The following KIF21A variants were observed in gnomAD, a reference collection of about 807,000 sequenced individuals.
The protein encoded by KIF21A is kinesin family member 21A, also known as kinesin-like protein KIF21A.
In KIF21A, 114 loss-of-function variants were observed where a neutral mutation model predicts 202.9. The observed-to-expected ratio is 0.56, with a 90% confidence interval of 0.48 to 0.66. KIF21A has a LOEUF of 0.66. KIF21A is among the 30% of genes least tolerant of loss of function. KIF21A has a pLI of 0.00. For synonymous variants in KIF21A, 667 were observed against 670.8 expected (o/e 0.99, Z 0.09); for missense variants, 1,677 against 1,994.9 (o/e 0.84, Z 3.04).
At chr12:39,366,569 T>C (rs1227890856) in intron 5 of KIF21A, 52 bp from the exon 6 acceptor site, 14 of 1,335,384 alleles carry the variant, frequency 1.0e-5, no homozygotes, top group Non-Finnish European at 1.5e-5. Context: ...ACATTAAATA[T>C]CCTCCTAACC....
At chr12:39,413,975 A>T (rs573161612) in intron 1 of KIF21A, among the ~76,000 whole-genome samples, 4 of 152,330 alleles carry the variant, frequency 2.6e-5, no homozygotes, top group East Asian at 1.9e-4. Context: ...ATACCATTTT[A>T]AAAAATTTAC....
At position 39,357,273 on chromosome 12, in the gene KIF21A, C is replaced by T. The variant is rs1411962842; in HGVS notation, c.1380G>A (p.Gln460=). 2.5e-6 allele frequency: 4 copies of T among 1,614,156 alleles called. No individual in the cohort carries two copies. The highest frequency in any genetic ancestry group is 2.2e-5 in the South Asian group (2 of 91,076). ...RSRITQLVSD[Q]ANHVLARAGE... is the part of the protein sequence containing the mutation. ...CTGCTCTGGCAAGAACATGGTTGGC[C>T]TGATCACTAACAAGCTGTGTAATTC... The change falls in exon 9 of 38, where the codon CAG becomes CAA. Residue 460 remains glutamine (Q), a synonymous_variant. Transcript: ENST00000361418.
At chr12:39,300,118 AAG>A (rs1467554302) in intron 37 of KIF21A, among the ~76,000 whole-genome samples, 5 of 152,288 alleles carry the variant, frequency 3.3e-5, no homozygotes, top group African/African-American at 1.2e-4. Context: ...AGTAAAAAAA[AAG>A]AAAAATTTTA....
chr12:39,390,905 G>A (rs979844391), intron 1 of KIF21A, among the ~76,000 whole-genome samples: 2 of 152,180 alleles, frequency 1.3e-5, no homozygotes, highest in Admixed American at 6.5e-5. Flanking sequence ...TTAAGTGCCA[G>A]AGAGAGCCAG....
chr12:39,426,079 A>G (rs1954721228), intron 1 of KIF21A, among the ~76,000 whole-genome samples: 1 of 152,224 alleles, frequency 6.6e-6, no homozygotes, highest in African/African-American at 2.4e-5. Flanking sequence ...CGGTCTACCA[A>G]GACAAAACTG....
At chr12:39,337,402 G>C in intron 16 of KIF21A, 199 bp from the exon 17 acceptor site, 1 of 556,946 alleles carries the variant, frequency 1.8e-6, no homozygotes, top group Non-Finnish European at 3.2e-6. Context: ...TTATTAAATT[G>C]CTTAGTATTC....
chr12:39,339,649 A>T (rs904035329), intron 16 of KIF21A, among the ~76,000 whole-genome samples: 6 of 152,206 alleles, frequency 3.9e-5, no homozygotes, highest in Non-Finnish European at 7.3e-5. Context: ...AAAACAGATA[A>T]CAGATCAGGA....
At chr12:39,398,833 G>A (rs950300541) in intron 1 of KIF21A, among the ~76,000 whole-genome samples, 9 of 152,046 alleles carry the variant, frequency 5.9e-5, no homozygotes, top group South Asian at 2.1e-4. Flanking sequence ...ATATCCCCAG[G>A]TTCCACATCT....
intron 1 of KIF21A, among the ~76,000 whole-genome samples, chr12:39,387,188 A>ACACC (rs1951006458): frequency 6.6e-6 from 1 of 151,676 alleles, no homozygotes; most frequent in Non-Finnish European, 1.5e-5. Flanking sequence ...ACACACACAC[A>ACACC]CACACACACA....
At chr12:39,335,202 A>G (rs1946855371) in intron 17 of KIF21A, among the ~76,000 whole-genome samples, 1 of 152,110 alleles carries the variant, frequency 6.6e-6, no homozygotes, top group Non-Finnish European at 1.5e-5. Flanking sequence ...ACTTGAGGTC[A>G]GGAGTTTGAC....
At chr12:39,423,194 C>T (rs928136958) in intron 1 of KIF21A, among the ~76,000 whole-genome samples, 1 of 152,194 alleles carries the variant, frequency 6.6e-6, no homozygotes, top group African/African-American at 2.4e-5. Flanking sequence ...GAGGACATGG[C>T]TTCTACTGAA....
chr12:39,373,403 C>T (rs926271164), intron 1 of KIF21A, among the ~76,000 whole-genome samples: 1 of 152,126 alleles, frequency 6.6e-6, no homozygotes, highest in Non-Finnish European at 1.5e-5. Context: ...TGGGAGCTCA[C>T]ACAAACTCTG....
At chr12:39,408,243 A>G (rs1952770363) in intron 1 of KIF21A, among the ~76,000 whole-genome samples, 1 of 152,114 alleles carries the variant, frequency 6.6e-6, no homozygotes, top group African/African-American at 2.4e-5. Context: ...TCCACCTCAG[A>G]TCGTCAGGCA....
At chr12:39,427,510 A>G (rs894444462) in intron 1 of KIF21A, among the ~76,000 whole-genome samples, 1 of 152,226 alleles carries the variant, frequency 6.6e-6, no homozygotes, top group Admixed American at 6.5e-5. Flanking sequence ...AGGGATTTGA[A>G]CTCAAAGTCC....
chr12:39,357,957 T>C (rs1290610324), intron 8 of KIF21A, among the ~76,000 whole-genome samples: 32 of 60,770 alleles, frequency 5.3e-4, no homozygotes, highest in Admixed American at 3.5e-3. Flanking sequence ...AAAAAAAAAA[T>C]TGGGTAGGAA....
At chr12:39,397,518 C>T (rs1951846355) in intron 1 of KIF21A, among the ~76,000 whole-genome samples, 2 of 151,990 alleles carry the variant, frequency 1.3e-5, no homozygotes, top group Admixed American at 1.3e-4. Flanking sequence ...ATGTAATTAA[C>T]TTATTTAATA....
At chr12:39,315,708 T>A (rs1944460282) in intron 30 of KIF21A, 2 of 597,076 alleles carry the variant, frequency 3.3e-6, no homozygotes, top group Non-Finnish European at 3.0e-6. Flanking sequence ...AGAAAACAGG[T>A]ATCACAATTT....
At chr12:39,351,220 T>C (rs1411189086) in intron 11 of KIF21A, among the ~76,000 whole-genome samples, 1 of 152,108 alleles carries the variant, frequency 6.6e-6, no homozygotes. Flanking sequence ...GGTGAAAAGC[T>C]GAGTAACTCC....
chr12:39,361,325 T>A (rs1171150063), intron 7 of KIF21A, among the ~76,000 whole-genome samples: 1 of 152,120 alleles, frequency 6.6e-6, no homozygotes, highest in Non-Finnish European at 1.5e-5. Context: ...TTTTATTCTG[T>A]TATAATAAGA....
Sources: gnomAD v4.1 joint callset for allele counts (sites outside exome capture counted in the v4.1 genomes callset) on GRCh38, gnomAD v4.1.1 for gene constraint, MANE v1.5 for transcripts, NCBI Gene and HGNC (gene_info 2026-07-23, HGNC 2026-07-21) for gene names.